Variants in PIEZO1 observed in about 807,000 individuals in gnomAD.
PIEZO1 encodes piezo type mechanosensitive ion channel component 1 (Er blood group), also known as piezo-type mechanosensitive ion channel component 1.
In PIEZO1, 296 loss-of-function variants were observed where a neutral mutation model predicts 297.2. That is an observed-to-expected ratio of 1.00 (90% CI 0.91 to 1.10). The LOEUF (loss-of-function observed/expected upper bound fraction) is 1.10. Among genes scored for constraint, PIEZO1 ranks in the 50% least tolerant of loss-of-function variants. PIEZO1 has a pLI of 0.00. For synonymous variants in PIEZO1, 2,427 were observed against 1,507.5 expected (o/e 1.61, Z -14.13); for missense variants, 5,018 against 3,455.5 (o/e 1.45, Z -11.34).
Position 88,720,687 on chromosome 16 carries a change from C to G in PIEZO1, c.5730G>C (p.Glu1910Asp), listed in dbSNP as rs1482226286. Residue 1910 changes from glutamate (E) to aspartate (D), a missense_variant, in exon 40 of 51, where the codon GAG becomes GAC. Transcript: ENST00000301015. ...EEEKEAPTGREKRPSRSGGRV... is the reference protein window; with the variant it reads ...EEEKEAPTGRDKRPSRSGGRV... ...TTCCTCCAGAGCGGCTTGGCCTCTT[C>G]TCTCTCCCCGTGGGGGCCTCTTTCT... The G allele has an allele frequency of 1.3e-6, 2 of 1,543,636 alleles. No homozygotes were observed. The highest frequency in any genetic ancestry group is 1.4e-5 in the African/African-American group (1 of 72,718).
In PIEZO1 at chr16:88,771,371, G is replaced by C. The variant is rs116092993; in HGVS notation, c.64+13530C>G. ...TGGGAGCCTCATCTGACTACATACA[G>C]CTAGGAGTGCGGCGACAACAAGAAA... On this transcript the variant is annotated intron_variant, in intron 1 of 50. Coordinates refer to ENST00000301015, the MANE Select transcript of PIEZO1 (RefSeq NM_001142864.4). Among the ~76,000 whole-genome samples, 502 of 152,284 alleles carry C rather than the reference G, an allele frequency of 3.3e-3. 3 individuals carry two copies. Among genetic ancestry groups the C allele is most frequent in the African/African-American group, 0.012 (479 of 41,554 alleles).
chr16:88,722,323 G>T lies in PIEZO1; in HGVS notation c.4850C>A (p.Thr1617Lys), dbSNP rs906425217. Residue 1617 changes from threonine to lysine, a missense_variant, in exon 36 of 51, where the codon ACG (threonine) becomes AAG (lysine). By Grantham distance (78) the Thr-to-Lys change is moderately conservative. Transcript: ENST00000301015. The stretch of plus-strand genomic sequence containing the variant: ...GACTGCCTCCTCACTGCCACTGCGC[G>T]TGTGGTAGCCGGTGCTCAGGGGGCT... The part of the protein sequence containing the change: ...MGSPLSTGYH[T>K]RSGSEEAVTD... The T allele has an allele frequency of 1.3e-6, 2 of 1,545,704 alleles. No homozygotes were observed. The highest frequency in any genetic ancestry group is 1.7e-6 in the Non-Finnish European group (2 of 1,145,228).
In PIEZO1 at chr16:88,717,023, C is replaced by G. The variant is rs1371352403; in HGVS notation, c.6660G>C (p.Glu2220Asp). ...GACAGGCGGACCCACACATGCTCAC[C>G]TCATAGCCGCCCAGCTTCAGGGTGA... Reference protein sequence around the residue: ...VTVTLKLGGYEPLFTMSAQQP... With the variant: ...VTVTLKLGGYDPLFTMSAQQP... Residue 2220 changes from glutamate to aspartate, a missense_variant and splice_region_variant, in exon 45 of 51, where the codon GAG becomes GAC. Physicochemically the swap from Glu to Asp is conservative, Grantham distance 45. Coordinates refer to ENST00000301015, the MANE Select transcript of PIEZO1 (RefSeq NM_001142864.4). 23 of 1,550,358 alleles carry G rather than the reference C, an allele frequency of 1.5e-5. No individual in the cohort carries two copies. Among genetic ancestry groups the G allele is most frequent in the Non-Finnish European group, 2.0e-5 (23 of 1,146,954 alleles).
In PIEZO1 at chr16:88,768,435, C is replaced by T. The variant is rs568474380; in HGVS notation, c.64+16466G>A. 7.9e-5 allele frequency among the ~76,000 whole-genome samples: 12 copies of T among 152,312 alleles called. No individual in the cohort carries two copies. In the East Asian group the frequency reaches 1.2e-3, roughly 15 times the overall value. ...TGGACGGCCCTGGCTAAAACCTATGCGCGTGCTCAGTTCCTGGAAAAAGGG... is the reference window on the plus strand; with the variant it reads ...TGGACGGCCCTGGCTAAAACCTATGTGCGTGCTCAGTTCCTGGAAAAAGGG... On this transcript the variant is annotated intron_variant, in intron 1 of 50. Transcript: ENST00000301015.
chr16:88,719,506 G>C (rs532838841), intron 44 of PIEZO1, 68 bp downstream of exon 44: 2 of 1,441,914 alleles, frequency 1.4e-6, no homozygotes, highest in African/African-American at 1.4e-5. Flanking sequence ...CGTGGCAGCA[G>C]TGCCTCTGTC....
At position 88,716,735 on chromosome 16, in the gene PIEZO1, G is replaced by T. The variant is rs768440126; in HGVS notation, c.6754-4C>A. 6.5e-7 allele frequency: 1 copy of T among 1,548,064 alleles called. No individual in the cohort carries two copies. Among genetic ancestry groups the T allele is most frequent in the African/African-American group, 1.4e-5 (1 of 73,182 alleles). The stretch of plus-strand genomic sequence containing the variant: ...GGCTGATGAACTGCATGGCCAGCTG[G>T]GTACAAGTGACACCCTCAGTGACTG... On this transcript the variant is annotated splice_region_variant and splice_polypyrimidine_tract_variant and intron_variant, in intron 46 of 50. Coordinates refer to ENST00000301015, the MANE Select transcript of PIEZO1 (RefSeq NM_001142864.4).
At chr16:88,738,461 G>C in intron 6 of PIEZO1, 21 bp from the exon 7 acceptor site, 1 of 1,533,168 alleles carries the variant, frequency 6.5e-7, no homozygotes, top group Non-Finnish European at 8.7e-7. Context: ...GGGGCACACA[G>C]GGTGGTACCT....
At chr16:88,731,285 C>T in intron 22 of PIEZO1, 1 of 212,814 alleles carries the variant, frequency 4.7e-6, no homozygotes, top group Non-Finnish European at 9.6e-6. Flanking sequence ...TTGACGATGG[C>T]ACTGCCAGGA....
At chr16:88,737,477 C>T (rs898831845) in intron 10 of PIEZO1, 82 bp downstream of exon 10, 58 of 947,146 alleles carry the variant, frequency 6.1e-5, no homozygotes, top group African/African-American at 2.8e-4. Flanking sequence ...CATGCGAGAG[C>T]GCCAGGCGGC....
In PIEZO1 at chr16:88,726,388, G is replaced by C; in HGVS notation, c.3864C>G (p.Asp1288Glu). 6.4e-7 allele frequency: 1 copy of C among 1,550,468 alleles called. No homozygotes were observed. The highest frequency in any genetic ancestry group is 1.2e-5 in the South Asian group (1 of 84,068). Residue 1288 changes from aspartate to glutamate, a missense_variant, in exon 27 of 51, where the codon GAC (aspartate) becomes GAG (glutamate). By Grantham distance (45) the Asp-to-Glu change is conservative. Coordinates refer to ENST00000301015, the MANE Select transcript of PIEZO1 (RefSeq NM_001142864.4). ...GCAGCAGGAAGAAGAAGCAGACGCTGTCCCAGATGATGCCAGCCTCCTCCA... is the reference window on the plus strand; with the variant it reads ...GCAGCAGGAAGAAGAAGCAGACGCTCTCCCAGATGATGCCAGCCTCCTCCA... Reference protein sequence around the residue: ...LPVEEAGIIWDSVCFFFLLLQ... With the variant: ...LPVEEAGIIWESVCFFFLLLQ...
Position 88,720,202 on chromosome 16 carries a change from G to A in PIEZO1, c.6031C>T (p.Gln2011Ter). ...CGGTCAACCACCATGGTACTGAACT[G>A]GATCAGCAGCATGACCAGGAAAGCC... ...PEAFLVMLLIQFSTMVVDRAL... is the reference protein window; with the variant it reads ...PEAFLVMLLI Residue 2011 changes from glutamine to a stop codon, truncating the protein, a stop_gained, in exon 42 of 51, where the codon CAG (glutamine) becomes TAG (stop). Transcript: ENST00000301015. LOFTEE classifies it high-confidence loss of function. The A allele has an allele frequency of 1.3e-6, 2 of 1,550,532 alleles. No homozygotes were observed. Among genetic ancestry groups the A allele is most frequent in the Non-Finnish European group, 1.7e-6 (2 of 1,146,952 alleles).
intron 1 of PIEZO1, among the ~76,000 whole-genome samples, chr16:88,768,342 A>G (rs1438910234): frequency 6.6e-6 from 1 of 152,306 alleles, no homozygotes; most frequent in African/African-American, 2.4e-5. Context: ...GGCCAGGAGG[A>G]GAAGCTGATT....
chr16:88,719,587 C>G lies in PIEZO1; in HGVS notation c.6458G>C (p.Arg2153Pro). 6.4e-7 allele frequency: 1 copy of G among 1,550,824 alleles called. No homozygotes were observed. The highest frequency in any genetic ancestry group is 1.4e-5 in the African/African-American group (1 of 73,196). The part of the protein sequence containing the change: ...YANIFIIKCS[R>P]ETEKKYPQPK... Reference sequence around the variant, plus strand: ...GGGCCCAGGCACCTTCTCTGTCTCTCGGCTGCATTTGATGATGAAGATGTT... The same window carrying G: ...GGGCCCAGGCACCTTCTCTGTCTCTGGGCTGCATTTGATGATGAAGATGTT... The change falls in exon 44 of 51, where the codon CGA (arginine) becomes CCA (proline). Residue 2153 changes from arginine (R) to proline (P), a missense_variant. Transcript: ENST00000301015.
chr16:88,782,006 G>A (rs1246222755), intron 1 of PIEZO1, among the ~76,000 whole-genome samples: 1 of 152,266 alleles, frequency 6.6e-6, no homozygotes, highest in Non-Finnish European at 1.5e-5. Flanking sequence ...TCAGTGACAC[G>A]GTGGCTCCTC....
At position 88,715,624 on chromosome 16, in the gene PIEZO1, C is replaced by T; in HGVS notation, c.7547G>A (p.Trp2516Ter). Reference sequence around the variant, plus strand: ...CAGCTCCTACTCCTTCTCACGAGTCCACTTGATCATGGTCTCCGGTGAGCG... The same window carrying T: ...CAGCTCCTACTCCTTCTCACGAGTCTACTTGATCATGGTCTCCGGTGAGCG... Reference protein sequence around the residue: ...LYRSPETMIKWTREKE With the variant: ...LYRSPETMIK The change falls in exon 51 of 51, where the codon TGG (tryptophan) becomes TAG (stop). Residue 2516 changes from tryptophan to a stop codon, truncating the protein, a stop_gained. Coordinates refer to ENST00000301015, the MANE Select transcript of PIEZO1 (RefSeq NM_001142864.4). LOFTEE classifies it high-confidence loss of function. 1 of 1,550,108 alleles carries T rather than the reference C, an allele frequency of 6.5e-7. No individual in the cohort carries two copies. Among genetic ancestry groups the T allele is most frequent in the Non-Finnish European group, 8.7e-7 (1 of 1,146,894 alleles).
At chr16:88,751,201 C>T (rs948919946) in intron 1 of PIEZO1, among the ~76,000 whole-genome samples, 4 of 152,188 alleles carry the variant, frequency 2.6e-5, no homozygotes, top group Non-Finnish European at 4.4e-5. Flanking sequence ...GCACGGAAAA[C>T]GCAGGGCAAG....
In PIEZO1 at chr16:88,719,410, T is replaced by C. The variant is rs1597442526; in HGVS notation, c.6471+164A>G. The C allele has an allele frequency of 4.7e-6, 3 of 638,442 alleles. No homozygotes were observed. In the East Asian group the frequency reaches 8.3e-5, roughly 18 times the overall value. 39.5% of individuals were successfully genotyped at this position (638,442 alleles called of 1,614,324 possible). On this transcript the variant is annotated intron_variant, in intron 44 of 50. Transcript: ENST00000301015. ...ACTCACTCGCAGCTGCCAAGATCAC[T>C]GGCCTCGTGATCAGCTAGTGGGTGG...
chr16:88,777,103 G>A (rs566510323), intron 1 of PIEZO1, among the ~76,000 whole-genome samples: 5 of 152,238 alleles, frequency 3.3e-5, no homozygotes, highest in African/African-American at 1.2e-4. Context: ...CTCCCGAGTA[G>A]CTAGGATTAC....
chr16:88,733,162 G>A, intron 19 of PIEZO1, 116 bp downstream of exon 19: 2 of 983,416 alleles, frequency 2.0e-6, no homozygotes, highest in Non-Finnish European at 3.0e-6. Context: ...CCAGGGGAGA[G>A]TCCTCCATCT....
Sources: gnomAD v4.1 joint callset for allele counts (sites outside exome capture counted in the v4.1 genomes callset) on GRCh38, gnomAD v4.1.1 for gene constraint, MANE v1.5 for transcripts, NCBI Gene and HGNC (gene_info 2026-07-23, HGNC 2026-07-21) for gene names.